The following CCDC91 variants were observed in gnomAD, a reference collection of about 807,000 sequenced individuals.
CCDC91 encodes coiled-coil domain-containing protein 91.
In CCDC91, 48 loss-of-function variants were observed where a neutral mutation model predicts 63.2. The observed-to-expected ratio is 0.76, with a 90% confidence interval of 0.60 to 0.97. The LOEUF (loss-of-function observed/expected upper bound fraction) is 0.97. Among genes scored for constraint, CCDC91 ranks in the 50% least tolerant of loss-of-function variants. The pLI, the probability that CCDC91 is intolerant of heterozygous loss-of-function variation, is 0.00. For missense variants in CCDC91, 500 were observed against 494.6 expected, an observed-to-expected ratio of 1.01 and a Z score of -0.10; for synonymous variants, 167 against 165.8, an observed-to-expected ratio of 1.01 and a Z score of -0.06.
intron 11 of CCDC91, among the ~76,000 whole-genome samples, chr12:28,478,860 A>G (rs1003973699): frequency 2.8e-4 from 43 of 152,324 alleles, no homozygotes; most frequent in Admixed American, 2.6e-3. Context: ...ACGCATGAAA[A>G]AATGCTCATC....
At chr12:28,547,461 G>A (rs1943068814) in intron 12 of CCDC91, among the ~76,000 whole-genome samples, 1 of 152,028 alleles carries the variant, frequency 6.6e-6, no homozygotes, top group Non-Finnish European at 1.5e-5. Flanking sequence ...AATATTTATT[G>A]CTTGTCTAAC....
chr12:28,548,751 G>T (rs751043541), intron 12 of CCDC91, among the ~76,000 whole-genome samples: 3 of 152,094 alleles, frequency 2.0e-5, no homozygotes, highest in African/African-American at 4.8e-5. Context: ...GTTTGGTTGC[G>T]TATATACACT....
chr12:28,225,472 CAG>C (rs941005431), intron 1 of CCDC91, among the ~76,000 whole-genome samples: 5 of 151,606 alleles, frequency 3.3e-5, no homozygotes, highest in Admixed American at 2.0e-4. Flanking sequence ...TTTTTTGAGA[CAG>C]AGTTTCACTC....
chr12:28,336,790 C>A (rs1942015465), intron 6 of CCDC91, among the ~76,000 whole-genome samples: 1 of 151,998 alleles, frequency 6.6e-6, no homozygotes, highest in Non-Finnish European at 1.5e-5. Flanking sequence ...ATGTAATATT[C>A]CCATTCCTGA....
At chr12:28,539,951 T>C (rs1166297244) in intron 12 of CCDC91, among the ~76,000 whole-genome samples, 1 of 152,098 alleles carries the variant, frequency 6.6e-6, no homozygotes, top group Non-Finnish European at 1.5e-5. Flanking sequence ...CACAGTAACT[T>C]TCATTTAATT....
intron 8 of CCDC91, among the ~76,000 whole-genome samples, chr12:28,441,703 CTCAT>C (rs1362321669): frequency 1.5e-5 from 2 of 130,318 alleles, no homozygotes; most frequent in African/African-American, 5.9e-5. Flanking sequence ...ATATATCTCT[CTCAT>C]ATATATATCT....
At chr12:28,228,257 A>C (rs1944391740) in intron 1 of CCDC91, among the ~76,000 whole-genome samples, 1 of 152,056 alleles carries the variant, frequency 6.6e-6, no homozygotes, top group Non-Finnish European at 1.5e-5. Context: ...CGAACAGGAA[A>C]ACTGGCTTTT....
At chr12:28,513,108 G>A (rs1209069077) in intron 12 of CCDC91, among the ~76,000 whole-genome samples, 1 of 151,864 alleles carries the variant, frequency 6.6e-6, no homozygotes, top group East Asian at 1.9e-4. Context: ...TGCCTGGCAA[G>A]TCATAGATCC....
At chr12:28,305,842 A>G (rs372970283) in intron 4 of CCDC91, 36 bp downstream of exon 4, 13 of 1,511,962 alleles carry the variant, frequency 8.6e-6, no homozygotes, top group African/African-American at 2.8e-5. Context: ...AGGTTTGCAT[A>G]TTTAAAAAAT....
At chr12:28,258,919 A>G (rs1488129388) in intron 2 of CCDC91, among the ~76,000 whole-genome samples, 3 of 152,078 alleles carry the variant, frequency 2.0e-5, no homozygotes, top group Non-Finnish European at 4.4e-5. Flanking sequence ...ATATTATTCA[A>G]GACAGATGAA....
chr12:28,237,854 C>G (rs1199008928), intron 1 of CCDC91, among the ~76,000 whole-genome samples: 1 of 152,210 alleles, frequency 6.6e-6, no homozygotes, highest in East Asian at 1.9e-4. Flanking sequence ...ACCGGCTCCT[C>G]TCTTCCTTTG....
chr12:28,395,650 T>C (rs904756529), intron 8 of CCDC91, among the ~76,000 whole-genome samples: 2 of 152,134 alleles, frequency 1.3e-5, no homozygotes, highest in Non-Finnish European at 2.9e-5. Context: ...CCTAAAATCT[T>C]GGAATTTTCA....
chr12:28,284,784 G>A (rs1269203135), intron 3 of CCDC91, among the ~76,000 whole-genome samples: 1 of 152,182 alleles, frequency 6.6e-6, no homozygotes, highest in Non-Finnish European at 1.5e-5. Context: ...TGTATTCGTG[G>A]TCAACAGTGA....
chr12:28,269,555 C>A (rs1473542874), intron 3 of CCDC91, among the ~76,000 whole-genome samples: 1 of 152,110 alleles, frequency 6.6e-6, no homozygotes, highest in East Asian at 1.9e-4. Context: ...CCCAACCAAC[C>A]CTGCCACCCA....
chr12:28,504,558 C>G (rs1938461976), intron 12 of CCDC91, among the ~76,000 whole-genome samples: 1 of 151,844 alleles, frequency 6.6e-6, no homozygotes, highest in South Asian at 2.1e-4. Flanking sequence ...TATTCAGAAT[C>G]TGATATATAT....
chr12:28,366,303 C>T (rs1302933417), intron 7 of CCDC91, among the ~76,000 whole-genome samples: 1 of 152,084 alleles, frequency 6.6e-6, no homozygotes, highest in African/African-American at 2.4e-5. Context: ...CCCTTTTTGT[C>T]CCACTAAAGC....
chr12:28,417,640 T>TATATACACACACACACACACATAC (rs57507827), intron 8 of CCDC91, among the ~76,000 whole-genome samples: 1 of 112,150 alleles, frequency 8.9e-6, no homozygotes, highest in South Asian at 2.6e-4. Context: ...TATATATATA[T>TATATACACACACACACACACATAC]ACACACACAC....
intron 3 of CCDC91, among the ~76,000 whole-genome samples, chr12:28,280,960 G>A (rs1480281060): frequency 1.3e-5 from 2 of 151,752 alleles, no homozygotes. Context: ...TTTGGTGACA[G>A]AATGAGATTC....
chr12:28,203,765 T>C (rs1168293738), intron 1 of CCDC91, among the ~76,000 whole-genome samples: 1 of 152,312 alleles, frequency 6.6e-6, no homozygotes, highest in East Asian at 1.9e-4. Context: ...ACATAGAACA[T>C]TATTAGCCAT....
Sources: gnomAD v4.1 joint callset for allele counts (sites outside exome capture counted in the v4.1 genomes callset) on GRCh38, gnomAD v4.1.1 for gene constraint, MANE v1.5 for transcripts, NCBI Gene and HGNC (gene_info 2026-07-23, HGNC 2026-07-21) for gene names.